MAPKBP1: variants seen among roughly 807,000 people sequenced by gnomAD.
MAPKBP1 encodes the protein mitogen-activated protein kinase-binding protein 1.
A neutral mutation model predicts 170.5 loss-of-function variants in MAPKBP1; 71 were observed. That is an observed-to-expected ratio of 0.42 (90% CI 0.34 to 0.51). The LOEUF is 0.51. Ranked by LOEUF, MAPKBP1 falls within the 20% of genes least tolerant of loss-of-function variation. MAPKBP1 has a pLI of 0.06. For synonymous variants in MAPKBP1, 719 were observed against 757.9 expected (o/e 0.95, Z 0.84); for missense variants, 1,598 against 1,933.0 (o/e 0.83, Z 3.25).
intron 5 of MAPKBP1, chr15:41,811,691 A>G (rs781715559): frequency 3.6e-5 from 24 of 660,550 alleles, no homozygotes; most frequent in Non-Finnish European, 6.7e-5. Flanking sequence ...GCTGCCCATC[A>G]GAACCATTCA....
intron 2 of MAPKBP1, among the ~76,000 whole-genome samples, chr15:41,795,752 G>A (rs1340656133): frequency 6.6e-6 from 1 of 152,130 alleles, no homozygotes; most frequent in Non-Finnish European, 1.5e-5. Context: ...GACTACAGGT[G>A]CACGGCGTCA....
Position 41,827,437 on chromosome 15 carries a change from G to A in MAPKBP1, c.*2001G>A, listed in dbSNP as rs1331208324. 6.6e-6 allele frequency: 1 copy of A among 152,470 alleles called. No individual in the cohort carries two copies. Among genetic ancestry groups the A allele is most frequent in the Non-Finnish European group, 1.5e-5 (1 of 68,246 alleles). The allele number at this position is 152,470 out of a possible 1,614,324, so 9.4% of individuals were successfully genotyped here. A position where few individuals can be genotyped will look rare whatever the true frequency, so the allele number is the denominator to read the frequency against. On this transcript the variant is annotated 3_prime_UTR_variant, in exon 31 of 31. Coordinates refer to ENST00000457542, the MANE Select transcript of MAPKBP1 (RefSeq NM_014994.3). ...CGCATGGCCCTGGAACTCCCGCGGC[G>A]GCGGGGGCGGGCCCGTGCCTGCTGT...
At chr15:41,821,935 C>T (rs199559079) in intron 24 of MAPKBP1, 30 bp from the exon 25 acceptor site, 2 of 1,605,326 alleles carry the variant, frequency 1.2e-6, no homozygotes, top group South Asian at 2.2e-5. Context: ...TGCTCACTGC[C>T]TTTTCTTCTC....
At chr15:41,786,714 A>G (rs1455846965) in intron 2 of MAPKBP1, among the ~76,000 whole-genome samples, 11 of 141,002 alleles carry the variant, frequency 7.8e-5, no homozygotes, top group East Asian at 2.0e-4. Flanking sequence ...GCAGTGAGCC[A>G]AGATTGCGCC....
At chr15:41,777,335 C>T (rs917883895) in intron 2 of MAPKBP1, among the ~76,000 whole-genome samples, 3 of 147,066 alleles carry the variant, frequency 2.0e-5, no homozygotes, top group Admixed American at 6.8e-5. Context: ...AGCAAGACTC[C>T]GTCTCAAAAA....
chr15:41,821,596 C>T lies in MAPKBP1; in HGVS notation c.2731C>T (p.Pro911Ser), dbSNP rs267604192. 5 of 1,613,772 alleles carry T rather than the reference C, an allele frequency of 3.1e-6. No homozygotes were observed. Among genetic ancestry groups the T allele is most frequent in the Non-Finnish European group, 4.2e-6 (5 of 1,179,934 alleles). ...TSLTSQNEKP[P>S]RPQASQPCSY... ...TGTGTGTTCCCAGAATGAAAAGCCCCCTCGGCCTCAGGCTTCCCAACCTTG... is the reference window on the plus strand; with the variant it reads ...TGTGTGTTCCCAGAATGAAAAGCCCTCTCGGCCTCAGGCTTCCCAACCTTG... The change falls in exon 24 of 31, where the codon CCT (proline) becomes TCT (serine). Residue 911 changes from proline (P) to serine (S), a missense_variant. By Grantham distance (74) the Pro-to-Ser change is moderately conservative (BLOSUM62 -1). Transcript: ENST00000457542.
rs755874987 is a variant in MAPKBP1, at chr15:41,823,764, G to C, written c.3916G>C (p.Ala1306Pro). 2.5e-6 allele frequency: 4 copies of C among 1,614,124 alleles called. No homozygotes were observed. The highest frequency in any genetic ancestry group is 3.4e-6 in the Non-Finnish European group (4 of 1,180,020). The change falls in exon 29 of 31, where the codon GCA (alanine) becomes CCA (proline). Residue 1306 changes from alanine (A) to proline (P), a missense_variant. Physicochemically the swap from Ala to Pro is conservative, Grantham distance 27. This residue lies in a region of MAPKBP1 where 942 missense variants were observed against 953.2 expected (regional missense o/e 0.99). Coordinates refer to ENST00000457542, the MANE Select transcript of MAPKBP1 (RefSeq NM_014994.3). ...KPLPDRPTLA[A>P]FSPVTKGRAP... ...ACTGCCTGACCGTCCTACCCTGGCT[G>C]CATTCTCTCCTGTCACCAAAGGCCG...
chr15:41,817,766 A>T lies in MAPKBP1; in HGVS notation c.1904+31A>T, dbSNP rs751705108. 1 of 1,606,274 alleles carries T rather than the reference A, an allele frequency of 6.2e-7. No homozygotes were observed. Among genetic ancestry groups the T allele is most frequent in the Non-Finnish European group, 8.5e-7 (1 of 1,176,262 alleles). ...CGTCCCCTCCTCAGACTCTGCCCAC[A>T]TTCCTTCATCTCCCTACGGGGTCAG... On this transcript the variant is annotated intron_variant, in intron 16 of 30. Transcript: ENST00000457542. The surrounding 1 kb of genome is among the most constrained non-coding windows in gnomAD (Gnocchi z 4.2).
intron 7 of MAPKBP1, 126 bp downstream of exon 7, chr15:41,812,779 G>T (rs1596087580): frequency 6.9e-7 from 1 of 1,451,228 alleles, no homozygotes; most frequent in Admixed American, 2.4e-5. Context: ...AGTTTTGGAT[G>T]AGCCAGATGC....
rs1334373735 is a variant in MAPKBP1, at chr15:41,813,725, C to T, written c.924C>T (p.Ser308=). ...ACCCCTCTAACCTGCACTTCCTTAG[C>T]ACCTTGCCCCGACCCCATGCTCTGG... ...LFNPSNLHFL[S]TLPRPHALGT... Residue 308 remains serine, a synonymous_variant, in exon 9 of 31, where the codon AGC becomes AGT. Transcript: ENST00000457542. 5 of 1,613,296 alleles carry T rather than the reference C, an allele frequency of 3.1e-6. No individual in the cohort carries two copies. The highest frequency in any genetic ancestry group is 2.7e-5 in the African/African-American group (2 of 74,872).
chr15:41,796,949 C>G (rs1483992606), intron 2 of MAPKBP1, among the ~76,000 whole-genome samples: 2 of 152,128 alleles, frequency 1.3e-5, no homozygotes, highest in Non-Finnish European at 2.9e-5. Flanking sequence ...GTATATTGTA[C>G]TCTAGGATTA....
Position 41,817,631 on chromosome 15 carries a change from G to T in MAPKBP1, c.1800G>T (p.Gln600His). 1 of 1,614,210 alleles carries T rather than the reference G, an allele frequency of 6.2e-7. No homozygotes were observed. The highest frequency in any genetic ancestry group is 8.5e-7 in the Non-Finnish European group (1 of 1,180,024). Reference protein sequence around the residue: ...RTAQKSGDGVQFTRTHHVVRK... With the variant: ...RTAQKSGDGVHFTRTHHVVRK... ...CCCTGCAGTCTGGAGATGGAGTGCA[G>T]TTCACACGGACACACCACGTGGTGC... The change falls in exon 16 of 31, where the codon CAG becomes CAT. Residue 600 changes from glutamine to histidine, a missense_variant. Gln to His is a conservative substitution (Grantham distance 24, BLOSUM62 0). This residue lies in a region of MAPKBP1 where 430 missense variants were observed against 617.2 expected (regional missense o/e 0.70). Transcript: ENST00000457542. This position sits in a 1 kb window ranked among gnomAD's most constrained non-coding sequence, Gnocchi z 4.2.
rs138592370 is a variant in MAPKBP1, at chr15:41,796,605, T to TC, written c.115-3210dup. ...CCACAGAGCCAAAGGAAACTGCTTT[T>TC]CCCCCCCCTTGGATAGCTGCTTAGA... is the stretch of plus-strand genomic sequence containing the variant. On this transcript the variant is annotated intron_variant, in intron 2 of 30. Coordinates refer to ENST00000457542, the MANE Select transcript of MAPKBP1 (RefSeq NM_014994.3). 2.9e-3 allele frequency among the ~76,000 whole-genome samples: 441 copies of TC among 151,090 alleles called. 1 individual carries two copies. Among genetic ancestry groups the TC allele is most frequent in the African/African-American group, 9.7e-3 (401 of 41,136 alleles).
Position 41,818,758 on chromosome 15 carries a change from G to A in MAPKBP1, c.2157-65G>A. The A allele has an allele frequency of 1.3e-6, 2 of 1,596,548 alleles. No individual in the cohort carries two copies. Among genetic ancestry groups the A allele is most frequent in the Non-Finnish European group, 8.6e-7 (1 of 1,167,618 alleles). On this transcript the variant is annotated intron_variant, in intron 19 of 30. Coordinates refer to ENST00000457542, the MANE Select transcript of MAPKBP1 (RefSeq NM_014994.3). This position sits in a 1 kb window ranked among gnomAD's most constrained non-coding sequence, Gnocchi z 5.2. ...GGTCTCCTTGCCATCCATGGATAAGGGGAACGAATGGCGCTAGCCATTCTA... is the reference window on the plus strand; with the variant it reads ...GGTCTCCTTGCCATCCATGGATAAGAGGAACGAATGGCGCTAGCCATTCTA...
chr15:41,783,944 G>A (rs2064234783), intron 2 of MAPKBP1, among the ~76,000 whole-genome samples: 1 of 152,178 alleles, frequency 6.6e-6, no homozygotes, highest in Admixed American at 6.5e-5. Flanking sequence ...GGGAGGCAGA[G>A]CTTACAGTGA....
Position 41,825,636 on chromosome 15 carries a change from G to A in MAPKBP1, c.*200G>A, listed in dbSNP as rs2065078058. 5.8e-6 allele frequency: 3 copies of A among 518,786 alleles called. No individual in the cohort carries two copies. Among genetic ancestry groups the A allele is most frequent in the Non-Finnish European group, 6.8e-6 (2 of 293,558 alleles). The allele number at this position is 518,786 out of a possible 1,614,324, so 32.1% of individuals were successfully genotyped here. On this transcript the variant is annotated 3_prime_UTR_variant, in exon 31 of 31. Coordinates refer to ENST00000457542, the MANE Select transcript of MAPKBP1 (RefSeq NM_014994.3). ...TCCCTGACTGTTGCCTCACTTCCTT[G>A]GAACTCCTGCCTCCACAGCCCCTCC...
intron 30 of MAPKBP1, 140 bp from the exon 31 acceptor site, chr15:41,825,069 C>G (rs1053160519): frequency 4.7e-6 from 3 of 636,204 alleles, no homozygotes; most frequent in Non-Finnish European, 8.2e-6. Flanking sequence ...ATCCCATGTT[C>G]CCTGGCCATA....
intron 24 of MAPKBP1, 50 bp downstream of exon 24, chr15:41,821,800 A>C: frequency 6.3e-7 from 1 of 1,575,240 alleles, no homozygotes; most frequent in Non-Finnish European, 8.6e-7. Context: ...TCCCCTCCCT[A>C]TGAGTGTTCT....
intron 2 of MAPKBP1, among the ~76,000 whole-genome samples, chr15:41,792,769 T>C (rs1321938503): frequency 6.6e-6 from 1 of 152,214 alleles, no homozygotes; most frequent in Non-Finnish European, 1.5e-5. Flanking sequence ...AACTTTGGGC[T>C]GAATCCCAGA....
Sources: allele counts gnomAD v4.1 joint callset (sites outside exome capture counted in the v4.1 genomes callset), GRCh38; gene constraint gnomAD v4.1.1; regional missense constraint gnomAD v4.1.1; non-coding constraint Gnocchi (gnomAD v3.1); transcripts MANE v1.5; gene names NCBI Gene and HGNC (gene_info 2026-07-23, HGNC 2026-07-21).